GPM6B: variants seen among roughly 807,000 people sequenced by gnomAD.
GPM6B encodes the protein neuronal membrane glycoprotein M6-b.
In GPM6B, 4 loss-of-function variants were observed where a neutral mutation model predicts 27.2. The ratio of observed to expected loss-of-function variants is 0.15; its 90% CI spans 0.07 to 0.34. The LOEUF (loss-of-function observed/expected upper bound fraction) is 0.34, where lower values mean the gene tolerates loss of function less well. GPM6B is among the 10% of genes least tolerant of loss of function. The pLI, the probability that GPM6B is intolerant of heterozygous loss-of-function variation, is 1.00. For missense variants in GPM6B, 183 were observed against 261.9 expected, an observed-to-expected ratio of 0.70 and a Z score of 2.08; for synonymous variants, 124 against 103.1, an observed-to-expected ratio of 1.20 and a Z score of -1.23.
intron 1 of GPM6B, among the ~76,000 whole-genome samples, chrX:13,868,518 C>T (rs1391121591): frequency 4.5e-5 from 5 of 111,849 alleles, no homozygotes; most frequent in African/African-American, 1.3e-4. Flanking sequence ...TCACTAAAAG[C>T]GAAATGCAAG....
chrX:13,849,661 A>C (rs984194181), intron 1 of GPM6B, among the ~76,000 whole-genome samples: 1 of 112,132 alleles, frequency 8.9e-6, no homozygotes, highest in Non-Finnish European at 1.9e-5. Flanking sequence ...ATTTGTTAGA[A>C]CATAACTACC....
intron 1 of GPM6B, among the ~76,000 whole-genome samples, chrX:13,891,314 T>G (rs961842914): frequency 9.0e-6 from 1 of 110,962 alleles, no homozygotes; most frequent in Non-Finnish European, 1.9e-5. Flanking sequence ...TTCAAATACA[T>G]TTTAAAGGTT....
At chrX:13,850,331 G>A (rs2049700452) in intron 1 of GPM6B, among the ~76,000 whole-genome samples, 1 of 112,218 alleles carries the variant, frequency 8.9e-6, no homozygotes, top group South Asian at 3.7e-4. Flanking sequence ...CACTCTATGT[G>A]ATAGCTCCTT....
At position 13,772,812 on chromosome X, in the gene GPM6B, A is replaced by G; in HGVS notation, c.*69T>C. 1.9e-6 allele frequency: 2 copies of G among 1,032,190 alleles called. No homozygotes were observed. The highest frequency in any genetic ancestry group is 2.7e-6 in the Non-Finnish European group (2 of 741,544). 85.1% of individuals were successfully genotyped at this position (1,032,190 alleles called of 1,213,427 possible). A position where few individuals can be genotyped will look rare whatever the true frequency, so the allele number is the denominator to read the frequency against. ...TTAGTTTGGTGGGATACACATCTGT[A>G]CTGCAGAGCAGCTGTCTGATGATTT... On this transcript the variant is annotated 3_prime_UTR_variant, in exon 8 of 8. Coordinates refer to ENST00000316715, the MANE Select transcript of GPM6B (RefSeq NM_001001995.3).
chrX:13,931,197 A>AAAACAAAAC (rs1921503054), intron 1 of GPM6B, among the ~76,000 whole-genome samples: 1 of 106,472 alleles, frequency 9.4e-6, no homozygotes, highest in African/African-American at 3.4e-5. Flanking sequence ...AACAAAAACA[A>AAAACAAAAC]AACAACAACA....
intron 1 of GPM6B, among the ~76,000 whole-genome samples, chrX:13,906,672 T>C (rs1237209470): frequency 1.8e-5 from 2 of 112,473 alleles, no homozygotes; most frequent in African/African-American, 3.2e-5. Context: ...AGGATTTTTA[T>C]GGGTTTTAAA....
At chrX:13,844,745 C>T (rs2049623360) in intron 1 of GPM6B, among the ~76,000 whole-genome samples, 1 of 111,785 alleles carries the variant, frequency 8.9e-6, no homozygotes, top group Non-Finnish European at 1.9e-5. Flanking sequence ...TTGTCTATAG[C>T]TACAAGTGGT....
chrX:13,938,221 G>C (rs1481470068), intron 1 of GPM6B: 1 of 242,584 alleles, frequency 4.1e-6, no homozygotes, highest in Admixed American at 6.9e-5. Flanking sequence ...AACCCCTCCC[G>C]GGTACCCAGC....
intron 1 of GPM6B, among the ~76,000 whole-genome samples, chrX:13,841,825 C>G (rs2049579411): frequency 1.8e-5 from 2 of 111,763 alleles, no homozygotes; most frequent in East Asian, 2.8e-4. Context: ...GATTGCTGGA[C>G]TCTCTGCCAT....
In GPM6B at chrX:13,888,758, C is replaced by G. The variant is rs1249161110; in HGVS notation, c.-198+49569G>C. 2.7e-5 allele frequency among the ~76,000 whole-genome samples: 3 copies of G among 111,365 alleles called. No individual in the cohort carries two copies. In the Admixed American group the frequency reaches 2.9e-4, roughly 11 times the overall value. ...AAAAATGTTTTTTTGCCTTTTTCCTCTGAAGCCAATGATCTAAAATAGAAT... is the reference window on the plus strand; with the variant it reads ...AAAAATGTTTTTTTGCCTTTTTCCTGTGAAGCCAATGATCTAAAATAGAAT... On this transcript the variant is annotated intron_variant, in intron 1 of 6. Coordinates refer to the GPM6B transcript ENST00000398361.
chrX:13,781,717 C>T (rs1011938901), intron 4 of GPM6B, among the ~76,000 whole-genome samples: 7 of 111,745 alleles, frequency 6.3e-5, no homozygotes, highest in Non-Finnish European at 9.4e-5. Context: ...CCTTTCTGGA[C>T]GGAACCAATG....
At chrX:13,857,113 T>TA (rs1347752675) in intron 1 of GPM6B, among the ~76,000 whole-genome samples, 2 of 111,444 alleles carry the variant, frequency 1.8e-5, no homozygotes, top group Non-Finnish European at 3.8e-5. Flanking sequence ...GCCTCCTTCT[T>TA]ATAAGGATGC....
At position 13,771,804 on chromosome X, in the gene GPM6B, T is replaced by G. The variant is rs1198457460; in HGVS notation, c.*1077A>C. 1.8e-5 allele frequency: 2 copies of G among 112,395 alleles called. No homozygotes were observed. Among genetic ancestry groups the G allele is most frequent in the Non-Finnish European group, 3.8e-5 (2 of 53,184 alleles). The allele number at this position is 112,395 out of a possible 1,213,427, so 9.3% of individuals were successfully genotyped here. A position where few individuals can be genotyped will look rare whatever the true frequency, so the allele number is the denominator to read the frequency against. On this transcript the variant is annotated 3_prime_UTR_variant, in exon 8 of 8. Coordinates refer to ENST00000316715, the MANE Select transcript of GPM6B (RefSeq NM_001001995.3). ...TTCTCTTGCTGAACATCAAACTTTA[T>G]TATTCCAGGAAACTAAGATTTAGAT... is the stretch of plus-strand genomic sequence containing the variant.
At chrX:13,814,762 C>G (rs2049203106) in intron 1 of GPM6B, among the ~76,000 whole-genome samples, 1 of 111,503 alleles carries the variant, frequency 9.0e-6, no homozygotes, top group African/African-American at 3.3e-5. Flanking sequence ...AGCCACCCTC[C>G]AGATCAACAA....
intron 1 of GPM6B, among the ~76,000 whole-genome samples, chrX:13,914,421 T>C (rs1311049297): frequency 8.9e-6 from 1 of 112,622 alleles, no homozygotes; most frequent in African/African-American, 3.2e-5. Flanking sequence ...AAGTGACAGA[T>C]GCAACGTCCA....
At chrX:13,774,569 C>T in intron 7 of GPM6B, 2 of 1,209,150 alleles carry the variant, frequency 1.7e-6, no homozygotes, top group Non-Finnish European at 2.2e-6. Context: ...GCAATCTTCC[C>T]GACTCTTAAA....
In GPM6B at chrX:13,837,724, G is replaced by T. The variant is rs112212234; in HGVS notation, c.-197-51916C>A. Among the ~76,000 whole-genome samples the T allele has an allele frequency of 3.6e-4, 12 of 32,885 alleles. No individual in the cohort carries two copies. The East Asian group carries it at 4.5e-3, about 12-fold the overall frequency. 28.6% of individuals were successfully genotyped at this position (32,885 alleles called of 115,157 possible). A position where few individuals can be genotyped will look rare whatever the true frequency, so the allele number is the denominator to read the frequency against. On this transcript the variant is annotated intron_variant, in intron 1 of 6. Transcript: ENST00000398361. Reference sequence around the variant, plus strand: ...AAGCAAGTTGGTGGGGGGGGGGGGGGGGGGAAGCAGAGGGGAAAGCAAAGC... The same window carrying T: ...AAGCAAGTTGGTGGGGGGGGGGGGGTGGGGAAGCAGAGGGGAAAGCAAAGC...
chrX:13,919,559 A>G (rs2050458578), intron 1 of GPM6B, among the ~76,000 whole-genome samples: 1 of 112,436 alleles, frequency 8.9e-6, no homozygotes, highest in Non-Finnish European at 1.9e-5. Context: ...AGCACCTGAC[A>G]TTGAATAATT....
Position 13,777,333 on chromosome X carries a change from T to G in GPM6B, c.771+19A>C, listed in dbSNP as rs1264344585. 1 of 1,142,639 alleles carries G rather than the reference T, an allele frequency of 8.8e-7. No homozygotes were observed. Among genetic ancestry groups the G allele is most frequent in the Non-Finnish European group, 1.2e-6 (1 of 832,178 alleles). The allele number at this position is 1,142,639 out of a possible 1,213,427, so 94.2% of individuals were successfully genotyped here. On this transcript the variant is annotated intron_variant, in intron 6 of 7. Transcript: ENST00000316715. ...TCAGCCTAATACTCAAGGGTTATTC[T>G]GAACTGTGATGAGTTTACCTCGTTT...
Sources: allele counts gnomAD v4.1 joint callset (sites outside exome capture counted in the v4.1 genomes callset), GRCh38; gene constraint gnomAD v4.1.1; transcripts MANE v1.5; gene names NCBI Gene and HGNC (gene_info 2026-07-23, HGNC 2026-07-21).